Variants in THSD4 observed in about 807,000 individuals in gnomAD.
The protein encoded by THSD4 is thrombospondin type 1 domain containing 4, also known as thrombospondin type-1 domain-containing protein 4.
Under a neutral mutation model 119.0 loss-of-function variants are expected in THSD4, and 69 were observed. The ratio of observed to expected loss-of-function variants is 0.58; its 90% CI spans 0.48 to 0.71. The LOEUF is 0.71. Ranked by LOEUF, THSD4 falls within the 30% of genes least tolerant of loss-of-function variation. The pLI is 0.00. For missense variants in THSD4, 1,393 were observed against 1,391.1 expected, an observed-to-expected ratio of 1.00 and a Z score of -0.02; for synonymous variants, 524 against 540.4, an observed-to-expected ratio of 0.97 and a Z score of 0.42.
intron 8 of THSD4, among the ~76,000 whole-genome samples, chr15:71,690,257 C>T (rs1279785951): frequency 6.6e-6 from 1 of 152,208 alleles, no homozygotes; most frequent in East Asian, 1.9e-4. Flanking sequence ...GAACTGTCCT[C>T]TTTGGTGTTG....
At chr15:71,447,358 A>G (rs916268093) in intron 7 of THSD4, among the ~76,000 whole-genome samples, 5 of 151,810 alleles carry the variant, frequency 3.3e-5, no homozygotes, top group Non-Finnish European at 7.4e-5. Flanking sequence ...TGACCTCGTG[A>G]TCCGCCACCT....
intron 7 of THSD4, among the ~76,000 whole-genome samples, chr15:71,644,069 C>G (rs973661775): frequency 1.3e-5 from 2 of 152,198 alleles, no homozygotes. Context: ...AGCCACTGAC[C>G]TGTCTCATTT....
intron 7 of THSD4, among the ~76,000 whole-genome samples, chr15:71,507,048 T>C (rs2048200568): frequency 6.6e-6 from 1 of 152,184 alleles, no homozygotes; most frequent in Non-Finnish European, 1.5e-5. Flanking sequence ...GGGTGTTGCA[T>C]AGGCAGGAGC....
Position 71,332,802 on chromosome 15 carries a change from A to G in THSD4, c.1015+76087A>G, listed in dbSNP as rs76551970. On this transcript the variant is annotated intron_variant, in intron 6 of 17. Coordinates refer to ENST00000261862, the MANE Select transcript of THSD4 (RefSeq NM_024817.3). The stretch of plus-strand genomic sequence containing the variant: ...AACTGCAAGCTGAGCCCTTTAAACA[A>G]GCTTGTCCAACCCGTGTCTTGTGGG... 9.4e-3 allele frequency among the ~76,000 whole-genome samples: 1,424 copies of G among 151,974 alleles called. 31 individuals carry two copies. Among genetic ancestry groups the G allele is most frequent in the African/African-American group, 0.032 (1,336 of 41,444 alleles).
rs1555408976 is a variant in THSD4, at chr15:71,389,810, G to GGTTTTTTTTTTTTTTTT, written c.1016-21877_1016-21876insGTTTTTTTTTTTTTTTT. ...GCCAACACTTGCTATTTTCTGGGTT[G>GGTTTTTTTTTTTTTTTT]TTTTTTTTTTTTTTTTTGACACAGA... On this transcript the variant is annotated intron_variant, in intron 6 of 17. Transcript: ENST00000261862. 4.5e-5 allele frequency among the ~76,000 whole-genome samples: 4 copies of GGTTTTTTTTTTTTTTTT among 87,998 alleles called. 1 individual carries two copies. The highest frequency in any genetic ancestry group is 1.7e-4 in the African/African-American group (4 of 23,002). 57.7% of individuals were successfully genotyped at this position (87,998 alleles called of 152,430 possible).
At chr15:71,265,899 C>A (rs1349492497) in intron 6 of THSD4, among the ~76,000 whole-genome samples, 3 of 152,190 alleles carry the variant, frequency 2.0e-5, no homozygotes, top group African/African-American at 7.2e-5. Flanking sequence ...AACCAGACTG[C>A]CTCTCTAGAT....
intron 7 of THSD4, among the ~76,000 whole-genome samples, chr15:71,472,169 A>T (rs1017060519): frequency 2.0e-5 from 3 of 152,134 alleles, no homozygotes; most frequent in Non-Finnish European, 2.9e-5. Flanking sequence ...CTCCTGCCTC[A>T]GCCTCCTAAA....
intron 4 of THSD4, among the ~76,000 whole-genome samples, chr15:71,232,091 C>T (rs532253848): frequency 1.3e-5 from 2 of 152,096 alleles, no homozygotes; most frequent in African/African-American, 2.4e-5. Flanking sequence ...TGAACACACA[C>T]GTTTCTGGTC....
intron 4 of THSD4, among the ~76,000 whole-genome samples, chr15:71,241,838 G>T (rs576245816): frequency 1.3e-5 from 2 of 152,300 alleles, no homozygotes; most frequent in South Asian, 4.2e-4. Context: ...TGTGGCCCAG[G>T]ATGGCTTTGA....
intron 1 of THSD4, among the ~76,000 whole-genome samples, chr15:71,116,863 G>A (rs1194640763): frequency 1.3e-5 from 2 of 151,770 alleles, no homozygotes; most frequent in Non-Finnish European, 2.9e-5. Flanking sequence ...GGTCTTACTG[G>A]GTCTCAATAT....
rs534530464 is a variant in THSD4, at chr15:71,760,729, C to T, written c.2589+2654C>T. 2.0e-4 allele frequency among the ~76,000 whole-genome samples: 31 copies of T among 152,260 alleles called. No individual in the cohort carries two copies. In the South Asian group the frequency reaches 3.3e-3, roughly 16 times the overall value. ...AGATATATTTATTCTCATCTCTTCG[C>T]GAATCAGTGATCCACAAAAGTGCAA... On this transcript the variant is annotated intron_variant, in intron 15 of 17. Coordinates refer to ENST00000261862, the MANE Select transcript of THSD4 (RefSeq NM_024817.3).
chr15:71,561,345 C>T (rs1214662982), intron 7 of THSD4, among the ~76,000 whole-genome samples: 1 of 151,964 alleles, frequency 6.6e-6, no homozygotes, highest in African/African-American at 2.4e-5. Context: ...AGGTGATTTC[C>T]GTAAAGTGTT....
At chr15:71,116,358 G>A (rs983572906) in intron 1 of THSD4, among the ~76,000 whole-genome samples, 1 of 152,242 alleles carries the variant, frequency 6.6e-6, no homozygotes, top group African/African-American at 2.4e-5. Flanking sequence ...GCTCACCTTG[G>A]AGCTCTACAG....
At chr15:71,770,003 G>T (rs1158287997) in intron 16 of THSD4, among the ~76,000 whole-genome samples, 1 of 95,978 alleles carries the variant, frequency 1.0e-5, no homozygotes. Flanking sequence ...TCCCAGCACT[G>T]TGGCAGGCCA....
intron 8 of THSD4, among the ~76,000 whole-genome samples, chr15:71,685,187 T>G (rs1442321475): frequency 1.3e-5 from 2 of 151,176 alleles, no homozygotes; most frequent in Non-Finnish European, 3.0e-5. Context: ...GATTTCTACC[T>G]TGGTTTCCTC....
chr15:71,576,356 A>C (rs1035670056), intron 7 of THSD4, among the ~76,000 whole-genome samples: 1 of 152,182 alleles, frequency 6.6e-6, no homozygotes, highest in African/African-American at 2.4e-5. Flanking sequence ...TTGTTTTTAA[A>C]GATGTTTAGG....
At chr15:71,467,363 AG>A (rs1182470382) in intron 7 of THSD4, among the ~76,000 whole-genome samples, 1 of 152,244 alleles carries the variant, frequency 6.6e-6, no homozygotes, top group Non-Finnish European at 1.5e-5. Flanking sequence ...AGCCTTCATA[AG>A]GAAATGAATA....
At chr15:71,148,414 A>T (rs1284092723) in intron 2 of THSD4, among the ~76,000 whole-genome samples, 2 of 152,240 alleles carry the variant, frequency 1.3e-5, no homozygotes, top group Non-Finnish European at 2.9e-5. Flanking sequence ...TGGGCTGCAC[A>T]AATTGATTGA....
At chr15:71,333,658 C>G (rs1382448562) in intron 6 of THSD4, among the ~76,000 whole-genome samples, 1 of 151,876 alleles carries the variant, frequency 6.6e-6, no homozygotes, top group East Asian at 1.9e-4. Flanking sequence ...ATCGGCCAGA[C>G]TGAGGGTACA....
Sources: allele counts gnomAD v4.1 joint callset (sites outside exome capture counted in the v4.1 genomes callset), GRCh38; gene constraint gnomAD v4.1.1; transcripts MANE v1.5; gene names NCBI Gene and HGNC (gene_info 2026-07-23, HGNC 2026-07-21).